POGK: variants seen among roughly 807,000 people sequenced by gnomAD.
POGK encodes pogo transposable element derived with KRAB domain, also known as pogo transposable element with KRAB domain.
A neutral mutation model predicts 54.4 loss-of-function variants in POGK; 16 were observed. That is an observed-to-expected ratio of 0.29 (90% CI 0.20 to 0.45). The LOEUF is 0.45. POGK is among the 20% of genes least tolerant of loss of function. The pLI is 1.00. For missense variants in POGK, 515 were observed against 795.6 expected (o/e 0.65, Z 4.24); for synonymous variants, 271 against 302.2 (o/e 0.90, Z 1.07).
chr1:166,850,190 G>A lies in POGK; in HGVS notation c.1611G>A (p.Gly537=), dbSNP rs1447264006. The A allele has an allele frequency of 6.4e-7, 1 of 1,555,440 alleles. No homozygotes were observed. The highest frequency in any genetic ancestry group is 1.4e-5 in the African/African-American group (1 of 73,252). Residue 537 remains glycine (G), a synonymous_variant, in exon 5 of 6, where the codon GGG becomes GGA. Coordinates refer to ENST00000367876, the MANE Select transcript of POGK (RefSeq NM_017542.5). ...GGAACCTGGCGCTGAGCCCAACCGGGAATGCTAAGAAGCCACCCCTGGGCC... is the reference window on the plus strand; with the variant it reads ...GGAACCTGGCGCTGAGCCCAACCGGAAATGCTAAGAAGCCACCCCTGGGCC... ...LAGNLALSPT[G]NAKKPPLGLF...
At chr1:166,841,481 G>A (rs1198614980) in intron 2 of POGK, among the ~76,000 whole-genome samples, 2 of 152,194 alleles carry the variant, frequency 1.3e-5, no homozygotes, top group Non-Finnish European at 2.9e-5. Context: ...GAGAGGTTAG[G>A]CTAGTTGGTT....
rs763925556 is a variant in POGK, at chr1:166,849,411, G to T, written c.832G>T (p.Asp278Tyr). 3.1e-6 allele frequency: 5 copies of T among 1,614,114 alleles called. No individual in the cohort carries two copies. The Admixed American group carries it at 5.0e-5, about 16-fold the overall frequency. ...TGTCAGATACATGCAGGCCAAAGGG[G>T]ACCCCATCACCCGGGAGGCGATGCA... is the stretch of plus-strand genomic sequence containing the variant. ...EYVRYMQAKG[D>Y]PITREAMQLK... Residue 278 changes from aspartate to tyrosine, a missense_variant, in exon 5 of 6, where the codon GAC (aspartate) becomes TAC (tyrosine). Physicochemically the swap from Asp to Tyr is radical, Grantham distance 160. Transcript: ENST00000367876.
intron 2 of POGK, among the ~76,000 whole-genome samples, chr1:166,842,197 T>C (rs934922488): frequency 6.6e-6 from 1 of 152,098 alleles, no homozygotes; most frequent in Admixed American, 6.5e-5. Context: ...TGAGGCTAGA[T>C]TGGTCAACCC....
At chr1:166,850,508 T>C in intron 5 of POGK, 85 bp downstream of exon 5, 1 of 1,419,522 alleles carries the variant, frequency 7.0e-7, no homozygotes, top group Non-Finnish European at 9.3e-7. Context: ...TTTTCTGTTT[T>C]TAAGTTCCCT....
intron 2 of POGK, among the ~76,000 whole-genome samples, chr1:166,841,973 A>C (rs1657534303): frequency 6.6e-6 from 1 of 151,774 alleles, no homozygotes; most frequent in South Asian, 2.1e-4. Context: ...AAAGTAATGC[A>C]TTTTACCATA....
At chr1:166,852,398 C>T (rs1434350468) in intron 5 of POGK, 187 bp from the exon 6 acceptor site, 1 of 152,220 alleles carries the variant, frequency 6.6e-6, no homozygotes, top group Non-Finnish European at 1.5e-5. Flanking sequence ...ACAATTCTCT[C>T]TGCAGCTCCT....
In POGK at chr1:166,849,637, A is replaced by G. The variant is rs768569584; in HGVS notation, c.1058A>G (p.His353Arg). Residue 353 changes from histidine (H) to arginine (R), a missense_variant, in exon 5 of 6, where the codon CAT becomes CGT. His to Arg is a conservative substitution (Grantham distance 29). Transcript: ENST00000367876. ...QRSVLALRRA[H>R]DYEVAQMGNA... ...AGTGTCCTGGCTCTGCGCAGGGCGC[A>G]TGACTATGAGGTAGCTCAGATGGGG... 4 of 1,614,166 alleles carry G rather than the reference A, an allele frequency of 2.5e-6. No individual in the cohort carries two copies. The highest frequency in any genetic ancestry group is 1.7e-6 in the Non-Finnish European group (2 of 1,180,062).
intron 4 of POGK, 144 bp from the exon 5 acceptor site, chr1:166,848,793 CT>C: frequency 9.0e-7 from 1 of 1,116,160 alleles, no homozygotes; most frequent in Non-Finnish European, 1.3e-6. Context: ...TGGAAAAGGA[CT>C]TAGGCAATGT....
At position 166,855,718 on chromosome 1, in the gene POGK, G is replaced by A. The variant is rs1476282308; in HGVS notation, c.*3148G>A. 6.6e-6 allele frequency: 1 copy of A among 152,242 alleles called. No homozygotes were observed. The highest frequency in any genetic ancestry group is 2.4e-5 in the African/African-American group (1 of 41,446). The allele number at this position is 152,242 out of a possible 1,614,324, so 9.4% of individuals were successfully genotyped here. On this transcript the variant is annotated 3_prime_UTR_variant, in exon 6 of 6. Transcript: ENST00000367876. ...GTAGTGAGAAGTTTTCCAGTTTGCAGTTTCCTCTGTGCTGTATGTACAGCC... is the reference window on the plus strand; with the variant it reads ...GTAGTGAGAAGTTTTCCAGTTTGCAATTTCCTCTGTGCTGTATGTACAGCC...
At chr1:166,846,495 C>G (rs1411346868) in intron 2 of POGK, 117 bp from the exon 3 acceptor site, 2 of 1,359,940 alleles carry the variant, frequency 1.5e-6, no homozygotes, top group African/African-American at 2.9e-5. Context: ...GTCAGGGTCC[C>G]TCACCTGACC....
chr1:166,847,664 C>T (rs373325010), intron 4 of POGK, 72 bp downstream of exon 4: 7 of 1,175,550 alleles, frequency 6.0e-6, no homozygotes, highest in East Asian at 2.4e-5. Flanking sequence ...AGTGTACATT[C>T]CACGGGGTAT....
intron 2 of POGK, 89 bp from the exon 3 acceptor site, chr1:166,846,523 T>C: frequency 6.5e-7 from 1 of 1,539,840 alleles, no homozygotes; most frequent in Admixed American, 1.7e-5. Context: ...GGACAGGCTG[T>C]GCTGGGCTGT....
At chr1:166,850,550 G>A in intron 5 of POGK, 127 bp downstream of exon 5, 2 of 1,134,826 alleles carry the variant, frequency 1.8e-6, no homozygotes, top group Non-Finnish European at 2.4e-6. Context: ...GTAGATCAGG[G>A]GTCCCCAACC....
Position 166,850,139 on chromosome 1 carries a change from C to T in POGK, c.1560C>T (p.Ala520=), listed in dbSNP as rs1170805566. The T allele has an allele frequency of 1.3e-6, 2 of 1,581,778 alleles. No homozygotes were observed. The highest frequency in any genetic ancestry group is 1.3e-5 in the African/African-American group (1 of 74,366). ...AGCCACTGAATGACAGTGTGCGGGC[C>T]CAGTACTCCAACTGGCTTCTGGCTG... The part of the protein sequence containing the change: ...VYKPLNDSVR[A]QYSNWLLAGN... The change falls in exon 5 of 6, where the codon GCC becomes GCT. Residue 520 remains alanine, a synonymous_variant. Coordinates refer to ENST00000367876, the MANE Select transcript of POGK (RefSeq NM_017542.5).
chr1:166,842,100 A>G (rs1657541793), intron 2 of POGK, among the ~76,000 whole-genome samples: 1 of 152,072 alleles, frequency 6.6e-6, no homozygotes, highest in Admixed American at 6.5e-5. Context: ...TTTGCCCACC[A>G]CATCCTTCTT....
At chr1:166,845,446 C>T (rs1005770283) in intron 2 of POGK, among the ~76,000 whole-genome samples, 3 of 151,656 alleles carry the variant, frequency 2.0e-5, no homozygotes, top group African/African-American at 4.8e-5. Context: ...TTTCCTAGTA[C>T]GTGCTTCCTA....
chr1:166,845,853 C>CA (rs1219958699), intron 2 of POGK, among the ~76,000 whole-genome samples: 4 of 152,170 alleles, frequency 2.6e-5, no homozygotes, highest in African/African-American at 9.7e-5. Context: ...GGCCAGGAAG[C>CA]AGAGGAACAG....
intron 3 of POGK, among the ~76,000 whole-genome samples, 188 bp from the exon 4 acceptor site, chr1:166,847,306 A>G (rs1657888258): frequency 1.3e-5 from 2 of 152,206 alleles, no homozygotes; most frequent in African/African-American, 4.8e-5. Context: ...TCATTAGGAG[A>G]GATCTACCCA....
rs761125905 is a variant in POGK, at chr1:166,841,165, C to A, written c.132+77C>A. The A allele has an allele frequency of 3.7e-5, 58 of 1,565,286 alleles. No homozygotes were observed. The Middle Eastern group carries it at 6.9e-4, about 19-fold the overall frequency. ...CCCAGCTTGCTTTAAGTCTCCTCCT[C>A]AGACAGACGTGGGAAGTAAAAATAG... is the stretch of plus-strand genomic sequence containing the variant. On this transcript the variant is annotated intron_variant, in intron 2 of 5. Coordinates refer to ENST00000367876, the MANE Select transcript of POGK (RefSeq NM_017542.5).
Sources: allele counts gnomAD v4.1 joint callset (sites outside exome capture counted in the v4.1 genomes callset), GRCh38; gene constraint gnomAD v4.1.1; transcripts MANE v1.5; gene names NCBI Gene and HGNC (gene_info 2026-07-23, HGNC 2026-07-21).